Variants in NSD3 observed in about 807,000 individuals in gnomAD.
The protein encoded by NSD3 is histone-lysine N-methyltransferase NSD3.
In NSD3, 24 loss-of-function variants were observed where a neutral mutation model predicts 160.8. The observed-to-expected ratio is 0.15, with a 90% CI of 0.11 to 0.21. The LOEUF is 0.21. Ranked by LOEUF, NSD3 falls within the 10% of genes least tolerant of loss-of-function variation. The pLI is 1.00. For missense variants in NSD3, 1,157 were observed against 1,735.9 expected (o/e 0.67, Z 5.93); for synonymous variants, 520 against 600.0 (o/e 0.87, Z 1.95).
chr8:38,324,955 C>T (rs1036909209), intron 7 of NSD3, among the ~76,000 whole-genome samples: 2 of 152,218 alleles, frequency 1.3e-5, no homozygotes, highest in African/African-American at 4.8e-5. Flanking sequence ...TTTCCATATA[C>T]CTTGCCCTGT....
chr8:38,298,324 T>C (rs1809204273), intron 15 of NSD3, among the ~76,000 whole-genome samples: 1 of 152,212 alleles, frequency 6.6e-6, no homozygotes. Flanking sequence ...TAGGCAGTAT[T>C]ATCAATAAGG....
intron 15 of NSD3, among the ~76,000 whole-genome samples, chr8:38,296,672 C>G (rs896802962): frequency 2.6e-5 from 3 of 115,814 alleles, no homozygotes; most frequent in Non-Finnish European, 3.6e-5. Flanking sequence ...CTCTCTCTCC[C>G]TCTGTGTGTG....
At chr8:38,325,875 C>A (rs1352037515) in intron 7 of NSD3, among the ~76,000 whole-genome samples, 1 of 145,572 alleles carries the variant, frequency 6.9e-6, no homozygotes, top group African/African-American at 2.6e-5. Flanking sequence ...AAAGGCCAGA[C>A]GTGGTGGTTC....
rs183194334 is a variant in NSD3, at chr8:38,288,468, C to A, written c.3501+19G>T. 1.9e-6 allele frequency: 3 copies of A among 1,611,118 alleles called. No individual in the cohort carries two copies. Among genetic ancestry groups the A allele is most frequent in the South Asian group, 1.1e-5 (1 of 90,748 alleles). ...CCAGGTTCTGGTCTCTTCCACCCCC[C>A]ACCACCATCCCATGCTACCTTCTTA... On this transcript the variant is annotated intron_variant, in intron 19 of 23. Transcript: ENST00000317025. This position sits in a 1 kb window ranked among gnomAD's most constrained non-coding sequence, Gnocchi z 4.5.
At chr8:38,296,571 C>T (rs143481043) in intron 15 of NSD3, among the ~76,000 whole-genome samples, 7 of 152,034 alleles carry the variant, frequency 4.6e-5, no homozygotes, top group Non-Finnish European at 5.9e-5. Flanking sequence ...TGGTTTGCAA[C>T]TTTTTCATCA....
At chr8:38,337,495 C>T (rs778102249) in intron 3 of NSD3, 28 bp from the exon 4 acceptor site, 21 of 1,517,392 alleles carry the variant, frequency 1.4e-5, no homozygotes, top group Non-Finnish European at 1.8e-5. Flanking sequence ...AAAACTTCAT[C>T]AGAAATTCAA....
intron 2 of NSD3, among the ~76,000 whole-genome samples, chr8:38,342,369 G>C (rs1232585676): frequency 6.6e-6 from 1 of 152,082 alleles, no homozygotes; most frequent in East Asian, 1.9e-4. Context: ...TTGTCAGAAA[G>C]AGAAAACATC....
In NSD3 at chr8:38,279,660, G is replaced by A. The variant is rs376659620; in HGVS notation, c.3640C>T (p.Pro1214Ser). The change falls in exon 21 of 24, where the codon CCA (proline) becomes TCA (serine). Residue 1214 changes from proline to serine, a missense_variant. Coordinates refer to ENST00000317025, the MANE Select transcript of NSD3 (RefSeq NM_023034.2). ...VTKDRIIDAG[P>S]KGNYSRFMNH... ...ATGAAGCGAGAATAATTTCCTTTTG[G>A]GCCGGCATCAATTATACGGTCCTTC... 6 of 1,613,376 alleles carry A rather than the reference G, an allele frequency of 3.7e-6. No individual in the cohort carries two copies. Among genetic ancestry groups the A allele is most frequent in the Non-Finnish European group, 5.1e-6 (6 of 1,179,534 alleles).
intron 4 of NSD3, among the ~76,000 whole-genome samples, chr8:38,333,163 ATTTC>A (rs1193706838): frequency 2.6e-5 from 4 of 152,224 alleles, no homozygotes; most frequent in African/African-American, 9.6e-5. Context: ...CATCAGAGTT[ATTTC>A]TTCAGATATG....
intron 2 of NSD3, among the ~76,000 whole-genome samples, chr8:38,346,018 A>T (rs1269017967): frequency 6.6e-6 from 1 of 152,066 alleles, no homozygotes; most frequent in Non-Finnish European, 1.5e-5. Context: ...TCTAACAGAG[A>T]CAGAACTGGT....
At chr8:38,348,251 T>C in intron 1 of NSD3, 36 bp from the exon 2 acceptor site, 3 of 1,463,620 alleles carry the variant, frequency 2.0e-6, no homozygotes, top group Non-Finnish European at 1.8e-6. Flanking sequence ...AAGGTGTTAC[T>C]ATTCTCATAG....
Position 38,316,747 on chromosome 8 carries a change from CTA to C in NSD3, c.1856-707_1856-706del. 10 of 1,057,588 alleles carry C rather than the reference CTA, an allele frequency of 9.5e-6. No homozygotes were observed. Among genetic ancestry groups the C allele is most frequent in the East Asian group, 5.2e-5 (1 of 19,060 alleles). The allele number at this position is 1,057,588 out of a possible 1,614,324, so 65.5% of individuals were successfully genotyped here. ...CACGTAGAGCTGGATGGGAAGGCCT[CTA>C]TGTGGAATTTGTGCGGGAAGAAATA... On this transcript the variant is annotated intron_variant, in intron 9 of 23. Transcript: ENST00000317025. This position sits in a 1 kb window ranked among gnomAD's most constrained non-coding sequence, Gnocchi z 4.5.
At chr8:38,315,373 T>A (rs1335428042) in intron 11 of NSD3, 43 bp downstream of exon 11, 1 of 1,505,914 alleles carries the variant, frequency 6.6e-7, no homozygotes, top group South Asian at 1.4e-5. Context: ...TGGCAGAATA[T>A]AATAGCAATT....
intron 1 of NSD3, among the ~76,000 whole-genome samples, chr8:38,366,774 TATTTAA>T (rs1310921031): frequency 2.0e-5 from 3 of 152,216 alleles, no homozygotes; most frequent in East Asian, 1.9e-4. Flanking sequence ...CACACGTAGC[TATTTAA>T]ATTTAAACAA....
chr8:38,281,471 G>T lies in NSD3; in HGVS notation c.3614C>A (p.Thr1205Asn). Residue 1205 changes from threonine to asparagine, a missense_variant, in exon 20 of 24, where the codon ACC (threonine) becomes AAC (asparagine). Around this residue, in one of 10 missense-constraint regions of NSD3, gnomAD observed 222 missense variants for 409.9 expected, o/e 0.54. Transcript: ENST00000317025. ...AAAAAAAAAAAGCAATTTTACCTTG[G>T]TAACAGTTAACATATAAAAATTAGT... ...SVTNFYMLTV[T>N]KDRIIDAGPK... 2 of 1,423,024 alleles carry T rather than the reference G, an allele frequency of 1.4e-6. No individual in the cohort carries two copies. Among genetic ancestry groups the T allele is most frequent in the Non-Finnish European group, 1.9e-6 (2 of 1,076,218 alleles). The allele number at this position is 1,423,024 out of a possible 1,614,324, so 88.1% of individuals were successfully genotyped here. A position where few individuals can be genotyped will look rare whatever the true frequency, so the allele number is the denominator to read the frequency against.
At chr8:38,357,513 T>G (rs1354001934) in intron 1 of NSD3, among the ~76,000 whole-genome samples, 3 of 152,170 alleles carry the variant, frequency 2.0e-5, no homozygotes, top group African/African-American at 4.8e-5. Flanking sequence ...TAATATACCC[T>G]TTTCCTTTTT....
In NSD3 at chr8:38,316,097, T is replaced by G; in HGVS notation, c.1856-55A>C. On this transcript the variant is annotated intron_variant, in intron 9 of 23. Transcript: ENST00000317025. The surrounding 1 kb of genome is among the most constrained non-coding windows in gnomAD (Gnocchi z 4.5). ...AAATAGTACTTAAGGTTTGTTTTAA[T>G]TTTTTTGTGTGTGGGAGAATATTTT... The G allele has an allele frequency of 6.3e-7, 1 of 1,588,540 alleles. No individual in the cohort carries two copies. The highest frequency in any genetic ancestry group is 8.6e-7 in the Non-Finnish European group (1 of 1,168,586).
chr8:38,366,664 G>A (rs994377340), intron 1 of NSD3, among the ~76,000 whole-genome samples: 1 of 151,880 alleles, frequency 6.6e-6, no homozygotes, highest in African/African-American at 2.4e-5. Context: ...TGCCCACCTC[G>A]GCCTCCCAAA....
At position 38,329,344 on chromosome 8, in the gene NSD3, A is replaced by G; in HGVS notation, c.1581+34T>C. On this transcript the variant is annotated intron_variant, in intron 6 of 23. Transcript: ENST00000317025. This position sits in a 1 kb window ranked among gnomAD's most constrained non-coding sequence, Gnocchi z 4.8. ...CAAGGTTGACCACTTTTAAAATACC[A>G]TCCCCCAAAAAACTCCACGAAAAAA... is the stretch of plus-strand genomic sequence containing the variant. 6.3e-7 allele frequency: 1 copy of G among 1,589,100 alleles called. No individual in the cohort carries two copies. Among genetic ancestry groups the G allele is most frequent in the Non-Finnish European group, 8.6e-7 (1 of 1,166,106 alleles).
Sources: gnomAD v4.1 joint callset for allele counts (sites outside exome capture counted in the v4.1 genomes callset) on GRCh38, gnomAD v4.1.1 for gene constraint, gnomAD v4.1.1 regional missense constraint, Gnocchi (gnomAD v3.1) non-coding constraint, MANE v1.5 for transcripts, NCBI Gene and HGNC (gene_info 2026-07-23, HGNC 2026-07-21) for gene names.